Variants in OSBPL3 observed in about 807,000 individuals in gnomAD.
OSBPL3 encodes oxysterol binding protein like 3.
OSBPL3 carries 65 observed loss-of-function variants against 120.1 expected under a neutral mutation model. That is an observed-to-expected ratio of 0.54 (90% confidence interval 0.44 to 0.67). The LOEUF is 0.67. Ranked by LOEUF, OSBPL3 falls within the 30% of genes least tolerant of loss-of-function variation. OSBPL3 has a pLI of 0.00. For synonymous variants in OSBPL3, 416 were observed against 402.6 expected, an observed-to-expected ratio of 1.03 and a Z score of -0.40; for missense variants, 1,004 against 1,082.1, an observed-to-expected ratio of 0.93 and a Z score of 1.01.
At chr7:24,832,371 G>A (rs1241407760) in intron 15 of OSBPL3, among the ~76,000 whole-genome samples, 1 of 151,800 alleles carries the variant, frequency 6.6e-6, no homozygotes, top group East Asian at 1.9e-4. Flanking sequence ...TTAGCCGGGT[G>A]TGGTGGCGCA....
Position 24,871,432 on chromosome 7 carries a change from G to A in OSBPL3, c.267+310C>T, listed in dbSNP as rs780459412. ...CTCTCGGTCACAGTGCAAGAGGGAG[G>A]GATGCCCTATGTTTTGTTCCTGTTA... On this transcript the variant is annotated intron_variant, in intron 4 of 22. Coordinates refer to ENST00000313367, the MANE Select transcript of OSBPL3 (RefSeq NM_015550.4). The surrounding 1 kb of genome is among the most constrained non-coding windows in gnomAD (Gnocchi z 4.8). Among the ~76,000 whole-genome samples the A allele has an allele frequency of 2.6e-5, 4 of 152,138 alleles. No individual in the cohort carries two copies. Among genetic ancestry groups the A allele is most frequent in the Non-Finnish European group, 4.4e-5 (3 of 68,030 alleles).
intron 2 of OSBPL3, among the ~76,000 whole-genome samples, chr7:24,882,507 A>C (rs1232435628): frequency 6.6e-6 from 1 of 152,214 alleles, no homozygotes; most frequent in Non-Finnish European, 1.5e-5. Context: ...CATTGGTGGA[A>C]ACAGGTTAAT....
At chr7:24,904,919 GT>G (rs1218829165) in intron 1 of OSBPL3, among the ~76,000 whole-genome samples, 101 of 8,008 alleles carry the variant, frequency 0.013, no homozygotes, top group African/African-American at 0.049. Flanking sequence ...TAATATACAG[GT>G]GTGTGTGTGT....
rs1407636089 is a variant in OSBPL3, at chr7:24,821,366, T to C, written c.1885-1128A>G. Among the ~76,000 whole-genome samples the C allele has an allele frequency of 6.6e-6, 1 of 152,200 alleles. No homozygotes were observed. The highest frequency in any genetic ancestry group is 1.9e-4 in the East Asian group (1 of 5,198). ...AGAAAAAAAATGTTTTAAGCAGCTG[T>C]ACAGTTTTCAGACCCGTCTTATCAA... On this transcript the variant is annotated intron_variant, in intron 16 of 22. Transcript: ENST00000313367. This position sits in a 1 kb window ranked among gnomAD's most constrained non-coding sequence, Gnocchi z 5.5.
At chr7:24,906,541 T>TGAA (rs1413579125) in intron 1 of OSBPL3, 1 of 160,226 alleles carries the variant, frequency 6.2e-6, no homozygotes, top group Non-Finnish European at 1.4e-5. Flanking sequence ...TTTGCACAGA[T>TGAA]GAAGAGTCAT....
rs1812517105 is a variant in OSBPL3, at chr7:24,937,107, G to A, written c.-150+42779C>T. ...CAGGAAACTTACAATCATGGCAGAA[G>A]GGGAAGCAAACATGTCCTTCTTCAC... On this transcript the variant is annotated intron_variant, in intron 1 of 22. Transcript: ENST00000313367. This position sits in a 1 kb window ranked among gnomAD's most constrained non-coding sequence, Gnocchi z 4.0. Among the ~76,000 whole-genome samples the A allele has an allele frequency of 6.6e-6, 1 of 152,202 alleles. No homozygotes were observed. Among genetic ancestry groups the A allele is most frequent in the South Asian group, 2.1e-4 (1 of 4,820 alleles).
At position 24,898,920 on chromosome 7, in the gene OSBPL3, T is replaced by C. The variant is rs1225650385; in HGVS notation, c.-149-6299A>G. 6.6e-6 allele frequency among the ~76,000 whole-genome samples: 1 copy of C among 152,180 alleles called. No individual in the cohort carries two copies. The highest frequency in any genetic ancestry group is 1.5e-5 in the Non-Finnish European group (1 of 68,036). The stretch of plus-strand genomic sequence containing the variant: ...TTTTTAAAAATCTATTCTAGACAGT[T>C]TGTCATCATTTAGAGCTGAAATAAT... On this transcript the variant is annotated intron_variant, in intron 1 of 22. Transcript: ENST00000313367. The surrounding 1 kb of genome is among the most constrained non-coding windows in gnomAD (Gnocchi z 4.3).
Position 24,803,532 on chromosome 7 carries a change from G to A in OSBPL3, c.2567+783C>T, listed in dbSNP as rs1035207330. On this transcript the variant is annotated intron_variant, in intron 22 of 22. Transcript: ENST00000313367. The surrounding 1 kb of genome is among the most constrained non-coding windows in gnomAD (Gnocchi z 4.2). ...CACGGTGGCTCTTACCTGTACTTTG[G>A]GAGGCTGAGGCAGGTGGATCACGAG... is the stretch of plus-strand genomic sequence containing the variant. Among the ~76,000 whole-genome samples, 2 of 152,078 alleles carry A rather than the reference G, an allele frequency of 1.3e-5. No individual in the cohort carries two copies. The highest frequency in any genetic ancestry group is 1.3e-4 in the Admixed American group (2 of 15,262).
chr7:24,833,304 G>A lies in OSBPL3; in HGVS notation c.1746+1182C>T, dbSNP rs1796611151. On this transcript the variant is annotated intron_variant, in intron 15 of 22. Transcript: ENST00000313367. This position sits in a 1 kb window ranked among gnomAD's most constrained non-coding sequence, Gnocchi z 4.4. ...GGTTGCTTGAGTCTAGGAGTTCGAG[G>A]TTGCAGTGAGGTAGGACTGCACCGC... is the stretch of plus-strand genomic sequence containing the variant. Among the ~76,000 whole-genome samples, 1 of 152,142 alleles carries A rather than the reference G, an allele frequency of 6.6e-6. No homozygotes were observed. Among genetic ancestry groups the A allele is most frequent in the South Asian group, 2.1e-4 (1 of 4,820 alleles).
chr7:24,915,412 C>T (rs919133600), intron 1 of OSBPL3, among the ~76,000 whole-genome samples: 7 of 152,070 alleles, frequency 4.6e-5, no homozygotes, highest in Admixed American at 6.6e-5. Context: ...ATGTGAACAA[C>T]CTCTTTAGAA....
chr7:24,868,338 AGTG>A (rs1267929280), intron 5 of OSBPL3, among the ~76,000 whole-genome samples: 11 of 137,948 alleles, frequency 8.0e-5, no homozygotes, highest in East Asian at 2.2e-4. Context: ...AAAAAAAAAA[AGTG>A]TGTGTGTGTG....
intron 2 of OSBPL3, among the ~76,000 whole-genome samples, chr7:24,885,682 C>T (rs190932336): frequency 2.2e-3 from 332 of 152,350 alleles, no homozygotes; most frequent in African/African-American, 7.7e-3. Context: ...AGAGGCTGTG[C>T]TCTCTTTACC....
rs1436102252 is a variant in OSBPL3 at position 24,964,890 on chromosome 7, T to C, written c.-150+14996A>G. 6.6e-6 allele frequency among the ~76,000 whole-genome samples: 1 copy of C among 152,208 alleles called. No homozygotes were observed. The highest frequency in any genetic ancestry group is 1.5e-5 in the Non-Finnish European group (1 of 68,036). On this transcript the variant is annotated intron_variant, in intron 1 of 22. Transcript: ENST00000313367. This position sits in a 1 kb window ranked among gnomAD's most constrained non-coding sequence, Gnocchi z 4.2. ...GGGCTGTGATTAAAATAAGTAAAGT[T>C]GGACAAACATTGAGCAATACCTAAG...
chr7:24,805,913 T>G lies in OSBPL3; in HGVS notation c.2444+863A>C, dbSNP rs573202725. On this transcript the variant is annotated intron_variant, in intron 21 of 22. Coordinates refer to ENST00000313367, the MANE Select transcript of OSBPL3 (RefSeq NM_015550.4). This position sits in a 1 kb window ranked among gnomAD's most constrained non-coding sequence, Gnocchi z 4.0. ...TCCGTTTGTCATTTATCTTTTGACC[T>G]TATATATATAGTTTTATTTATTTTG... Among the ~76,000 whole-genome samples, 2 of 152,302 alleles carry G rather than the reference T, an allele frequency of 1.3e-5. No homozygotes were observed. Among genetic ancestry groups the G allele is most frequent in the Admixed American group, 6.5e-5 (1 of 15,306 alleles).
intron 7 of OSBPL3, among the ~76,000 whole-genome samples, chr7:24,865,100 T>C (rs914840265): frequency 1.8e-4 from 27 of 152,164 alleles, no homozygotes; most frequent in African/African-American, 6.3e-4. Context: ...CAGGCATCAG[T>C]ATCAGGCATC....
intron 1 of OSBPL3, among the ~76,000 whole-genome samples, chr7:24,934,817 CT>C (rs1015164003): frequency 6.6e-6 from 1 of 152,278 alleles, no homozygotes; most frequent in African/African-American, 2.4e-5. Context: ...CATCCTTGGA[CT>C]TTTGGCAACA....
chr7:24,861,900 T>TGGG lies in OSBPL3; in HGVS notation c.871-134_871-132dup, dbSNP rs35090190. The TGGG allele has an allele frequency of 7.0e-5, 27 of 385,914 alleles. No homozygotes were observed. The South Asian group carries it at 9.7e-4, about 14-fold the overall frequency. 23.9% of individuals were successfully genotyped at this position (385,914 alleles called of 1,614,324 possible). ...TAGGTAGGTCTTTTTTTTTTTTTTT[T>TGGG]GGGGGGGATGGAGTCTCGCTCTGCC... On this transcript the variant is annotated intron_variant, in intron 9 of 22. Transcript: ENST00000313367.
intron 1 of OSBPL3, among the ~76,000 whole-genome samples, chr7:24,924,933 C>A (rs779257871): frequency 6.6e-6 from 1 of 152,176 alleles, no homozygotes; most frequent in African/African-American, 2.4e-5. Flanking sequence ...ATAGCTGTTA[C>A]CCTTTTTCAT....
chr7:24,905,100 G>A lies in OSBPL3; in HGVS notation c.-149-12479C>T, dbSNP rs138624801. ...GCAAACAGCAGTGGTGAAAACTAAAGGGCTTTGTGGACACATAGCCAGAGC... is the reference window on the plus strand; with the variant it reads ...GCAAACAGCAGTGGTGAAAACTAAAAGGCTTTGTGGACACATAGCCAGAGC... On this transcript the variant is annotated intron_variant, in intron 1 of 22. Coordinates refer to ENST00000313367, the MANE Select transcript of OSBPL3 (RefSeq NM_015550.4). Among the ~76,000 whole-genome samples, 49 of 149,226 alleles carry A rather than the reference G, an allele frequency of 3.3e-4. 1 individual carries two copies. In the East Asian group the frequency reaches 7.9e-3, roughly 24 times the overall value.
Sources: allele counts gnomAD v4.1 joint callset (sites outside exome capture counted in the v4.1 genomes callset), GRCh38; gene constraint gnomAD v4.1.1; non-coding constraint Gnocchi (gnomAD v3.1); transcripts MANE v1.5; gene names NCBI Gene and HGNC (gene_info 2026-07-23, HGNC 2026-07-21).